HSPA4L: variants seen among roughly 807,000 people sequenced by gnomAD.
The protein encoded by HSPA4L is heat shock 70 kDa protein 4L.
HSPA4L carries 48 observed loss-of-function variants against 100.3 expected under a neutral mutation model. The observed-to-expected ratio is 0.48, with a 90% CI of 0.38 to 0.61. The LOEUF (loss-of-function observed/expected upper bound fraction) is 0.61. HSPA4L is among the 20% of genes least tolerant of loss of function. The pLI is 0.00. For synonymous variants in HSPA4L, 319 were observed against 328.2 expected, an observed-to-expected ratio of 0.97 and a Z score of 0.30; for missense variants, 886 against 988.6, an observed-to-expected ratio of 0.90 and a Z score of 1.39.
intron 11 of HSPA4L, among the ~76,000 whole-genome samples, chr4:127,810,634 C>G (rs1733499227): frequency 6.6e-6 from 1 of 152,070 alleles, no homozygotes; most frequent in South Asian, 2.1e-4. Context: ...TACCATGCAC[C>G]TGTAGTCCCC....
intron 11 of HSPA4L, among the ~76,000 whole-genome samples, chr4:127,810,334 G>A (rs1338908362): frequency 6.6e-6 from 1 of 152,186 alleles, no homozygotes; most frequent in Non-Finnish European, 1.5e-5. Context: ...ATATAAAGCA[G>A]TAAAATTATT....
chr4:127,833,113 A>C lies in HSPA4L; in HGVS notation c.*239A>C, dbSNP rs1187107518. 2.9e-6 allele frequency: 1 copy of C among 347,270 alleles called. No homozygotes were observed. Among genetic ancestry groups the C allele is most frequent in the Non-Finnish European group, 5.1e-6 (1 of 194,274 alleles). The allele number at this position is 347,270 out of a possible 1,614,324, so 21.5% of individuals were successfully genotyped here. ...CAATCTAAGCTTTCCGGATAATTTT[A>C]TATATCAAACATACAGGATGGATAC... On this transcript the variant is annotated 3_prime_UTR_variant, in exon 19 of 19. Transcript: ENST00000296464.
chr4:127,837,693 CAAA>C lies in HSPA4L; in HGVS notation c.*4822_*4824del, dbSNP rs1438127755. On this transcript the variant is annotated 3_prime_UTR_variant, in exon 19 of 19. Transcript: ENST00000296464. Reference sequence around the variant, plus strand: ...TATAATTTCTTTTGATAAAAAGTAACAAAAATTTAATGCAGATCAAAGACCAAG... The same window carrying C: ...TATAATTTCTTTTGATAAAAAGTAACAATTTAATGCAGATCAAAGACCAAG... 2.0e-5 allele frequency: 3 copies of C among 151,856 alleles called. No individual in the cohort carries two copies. The highest frequency in any genetic ancestry group is 7.3e-5 in the African/African-American group (3 of 41,328). 9.4% of individuals were successfully genotyped at this position (151,856 alleles called of 1,614,324 possible). A position where few individuals can be genotyped will look rare whatever the true frequency, so the allele number is the denominator to read the frequency against.
In HSPA4L at chr4:127,839,549, C is replaced by T. The variant is rs1304745896; in HGVS notation, c.*6675C>T. On this transcript the variant is annotated 3_prime_UTR_variant, in exon 19 of 19. Transcript: ENST00000296464. The stretch of plus-strand genomic sequence containing the variant: ...CATTTCTAAAATAGAAAAATTTAGC[C>T]GGGTGTGGTGGTGTGTGCCTATAGT... The T allele has an allele frequency of 3.3e-5, 5 of 150,296 alleles. No homozygotes were observed. Among genetic ancestry groups the T allele is most frequent in the African/African-American group, 7.4e-5 (3 of 40,782 alleles). 9.3% of individuals were successfully genotyped at this position (150,296 alleles called of 1,614,324 possible).
rs748159719 is a variant in HSPA4L, at chr4:127,794,150, G to A, written c.165+16G>A. On this transcript the variant is annotated intron_variant, in intron 2 of 18. Coordinates refer to ENST00000296464, the MANE Select transcript of HSPA4L (RefSeq NM_014278.4). ...AAAGAGCCAGGTAAATTGTTAATGT[G>A]GATGTTTTGACTTACAGGAAGAATT... 6.2e-7 allele frequency: 1 copy of A among 1,602,680 alleles called. No homozygotes were observed. Among genetic ancestry groups the A allele is most frequent in the Non-Finnish European group, 8.5e-7 (1 of 1,171,128 alleles).
At chr4:127,803,387 G>T (rs1446005110) in intron 6 of HSPA4L, among the ~76,000 whole-genome samples, 4 of 151,960 alleles carry the variant, frequency 2.6e-5, no homozygotes, top group Non-Finnish European at 5.9e-5. Flanking sequence ...TTCTGAATTA[G>T]AATTCTTTTA....
At position 127,832,552 on chromosome 4, in the gene HSPA4L, G is replaced by T. The variant is rs115866496; in HGVS notation, c.2329-131G>T. The T allele has an allele frequency of 4.3e-3, 3,092 of 723,602 alleles. 73 individuals are homozygous for T. The African/African-American group carries it at 0.05, about 12-fold the overall frequency. 44.8% of individuals were successfully genotyped at this position (723,602 alleles called of 1,614,324 possible). ...CATGAGGCATTTGAAGAAAACAGTTGGCTATCTAGCTGAGCAAATTCAGAA... is the reference window on the plus strand; with the variant it reads ...CATGAGGCATTTGAAGAAAACAGTTTGCTATCTAGCTGAGCAAATTCAGAA... On this transcript the variant is annotated intron_variant, in intron 18 of 18. Coordinates refer to ENST00000296464, the MANE Select transcript of HSPA4L (RefSeq NM_014278.4).
Position 127,803,110 on chromosome 4 carries a change from T to C in HSPA4L, c.664-519T>C, listed in dbSNP as rs533932534. ...CCTGGTTTTTTTGTTGGTTGGTTTT[T>C]TGGTTGTGTTTTTTGTTTTTTTGTG... On this transcript the variant is annotated intron_variant, in intron 6 of 18. Coordinates refer to ENST00000296464, the MANE Select transcript of HSPA4L (RefSeq NM_014278.4). Among the ~76,000 whole-genome samples, 3 of 152,320 alleles carry C rather than the reference T, an allele frequency of 2.0e-5. No homozygotes were observed. In the South Asian group the frequency reaches 6.2e-4, roughly 32 times the overall value.
rs1263089142 is a variant in HSPA4L at position 127,826,401 on chromosome 4, G to GA, written c.2047-894dup. 3.3e-5 allele frequency among the ~76,000 whole-genome samples: 5 copies of GA among 150,328 alleles called. No homozygotes were observed. In the East Asian group the frequency reaches 5.9e-4, roughly 18 times the overall value. On this transcript the variant is annotated intron_variant, in intron 16 of 18. Coordinates refer to ENST00000296464, the MANE Select transcript of HSPA4L (RefSeq NM_014278.4). ...GACAGAGCAAGACCCTGTCCCAATG[G>GA]AAAAAAAAAATGCAGTACTTGCTTC...
rs1732596545 is a variant in HSPA4L at position 127,782,656 on chromosome 4, C to G, written c.106C>G (p.Pro36Ala). Residue 36 changes from proline to alanine, a missense_variant and splice_region_variant, in exon 1 of 19, where the codon CCG (proline) becomes GCG (alanine). Pro to Ala is a conservative substitution (Grantham distance 27). Transcript: ENST00000296464. ...CAATGAGTACAGCGACAGGTGTACCCCGTAAGTGCCTCTGCTGAGCATCAC... is the reference window on the plus strand; with the variant it reads ...CAATGAGTACAGCGACAGGTGTACCGCGTAAGTGCCTCTGCTGAGCATCAC... The part of the protein sequence containing the change: ...IANEYSDRCT[P>A]ACISLGSRTR... 4 of 1,603,942 alleles carry G rather than the reference C, an allele frequency of 2.5e-6. No individual in the cohort carries two copies. The highest frequency in any genetic ancestry group is 3.4e-6 in the Non-Finnish European group (4 of 1,173,422).
chr4:127,783,194 T>C (rs993544344), intron 1 of HSPA4L, among the ~76,000 whole-genome samples: 4 of 151,782 alleles, frequency 2.6e-5, no homozygotes, highest in Admixed American at 6.6e-5. Context: ...TTTTTTTTTT[T>C]TAAGGGCGGG....
In HSPA4L at chr4:127,837,275, G is replaced by A. The variant is rs1454912404; in HGVS notation, c.*4401G>A. The A allele has an allele frequency of 6.6e-6, 1 of 152,086 alleles. No homozygotes were observed. Among genetic ancestry groups the A allele is most frequent in the Non-Finnish European group, 1.5e-5 (1 of 68,020 alleles). The allele number at this position is 152,086 out of a possible 1,614,324, so 9.4% of individuals were successfully genotyped here. A position where few individuals can be genotyped will look rare whatever the true frequency, so the allele number is the denominator to read the frequency against. ...AAAAATTTTTGCTTTTAAAGTTAAT[G>A]TTATTTTGTGGTTAAACTTCTAAAG... On this transcript the variant is annotated 3_prime_UTR_variant, in exon 19 of 19. Transcript: ENST00000296464.
At chr4:127,831,362 G>T (rs182383337) in intron 18 of HSPA4L, among the ~76,000 whole-genome samples, 3 of 151,920 alleles carry the variant, frequency 2.0e-5, no homozygotes, top group African/African-American at 4.8e-5. Context: ...TTAGCTGGGC[G>T]TGGTAGTGCA....
At chr4:127,832,095 G>A (rs1217776237) in intron 18 of HSPA4L, among the ~76,000 whole-genome samples, 9 of 152,070 alleles carry the variant, frequency 5.9e-5, no homozygotes, top group Non-Finnish European at 8.8e-5. Context: ...TTTTAAATTT[G>A]AGTAGTGTTT....
At chr4:127,804,174 A>C (rs1413838230) in intron 8 of HSPA4L, 87 bp downstream of exon 8, 4 of 1,056,224 alleles carry the variant, frequency 3.8e-6, no homozygotes, top group Non-Finnish European at 5.6e-6. Context: ...AATTTTTAAA[A>C]CTTTGTTTTT....
At position 127,836,513 on chromosome 4, in the gene HSPA4L, A is replaced by T. The variant is rs1274557250; in HGVS notation, c.*3639A>T. The T allele has an allele frequency of 6.6e-6, 1 of 152,062 alleles. No homozygotes were observed. Among genetic ancestry groups the T allele is most frequent in the Non-Finnish European group, 1.5e-5 (1 of 68,006 alleles). The allele number at this position is 152,062 out of a possible 1,614,324, so 9.4% of individuals were successfully genotyped here. On this transcript the variant is annotated 3_prime_UTR_variant, in exon 19 of 19. Coordinates refer to ENST00000296464, the MANE Select transcript of HSPA4L (RefSeq NM_014278.4). ...GAGCTAAAAGAAGTAAAGGTTTCTTAGACTTTTTTTGGGAGGGAGGCGTCA... is the reference window on the plus strand; with the variant it reads ...GAGCTAAAAGAAGTAAAGGTTTCTTTGACTTTTTTTGGGAGGGAGGCGTCA...
At position 127,823,512 on chromosome 4, in the gene HSPA4L, A is replaced by G. The variant is rs1220345302; in HGVS notation, c.1939-5A>G. ...TTAATTAGTGTCTCTCAAATATATTACTAGGACTTGAGTAAACTGTCTGCA... is the reference window on the plus strand; with the variant it reads ...TTAATTAGTGTCTCTCAAATATATTGCTAGGACTTGAGTAAACTGTCTGCA... On this transcript the variant is annotated splice_region_variant and splice_polypyrimidine_tract_variant and intron_variant, in intron 15 of 18. Coordinates refer to ENST00000296464, the MANE Select transcript of HSPA4L (RefSeq NM_014278.4). The G allele has an allele frequency of 6.3e-7, 1 of 1,586,948 alleles. No individual in the cohort carries two copies. Among genetic ancestry groups the G allele is most frequent in the Non-Finnish European group, 8.6e-7 (1 of 1,156,142 alleles).
chr4:127,807,568 C>A (rs1733395260), intron 10 of HSPA4L, among the ~76,000 whole-genome samples: 1 of 151,898 alleles, frequency 6.6e-6, no homozygotes, highest in African/African-American at 2.4e-5. Context: ...GTTCCTTGTC[C>A]TATTTTTAAT....
intron 2 of HSPA4L, 90 bp downstream of exon 2, chr4:127,794,224 A>C: frequency 2.1e-6 from 2 of 971,474 alleles, no homozygotes; most frequent in Non-Finnish European, 3.2e-6. Flanking sequence ...TTAAGAGTGA[A>C]TAAGAGAGTG....
Sources: allele counts gnomAD v4.1 joint callset (sites outside exome capture counted in the v4.1 genomes callset), GRCh38; gene constraint gnomAD v4.1.1; transcripts MANE v1.5; gene names NCBI Gene and HGNC (gene_info 2026-07-23, HGNC 2026-07-21).